Variants in EPB41L4A observed in about 807,000 individuals in gnomAD.
EPB41L4A encodes erythrocyte membrane protein band 4.1 like 4A.
In EPB41L4A, 100 loss-of-function variants were observed where a neutral mutation model predicts 108.6. The ratio of observed to expected loss-of-function variants is 0.92; its 90% CI spans 0.78 to 1.09. The LOEUF (loss-of-function observed/expected upper bound fraction) is 1.09, where lower values mean the gene tolerates loss of function less well. EPB41L4A is among the 50% of genes least tolerant of loss of function. The probability of loss-of-function intolerance (pLI) is 0.00; values close to 1 mark genes in which losing one functional copy is unlikely to be tolerated. For synonymous variants in EPB41L4A, 319 were observed against 289.0 expected (o/e 1.10, Z -1.05); for missense variants, 1,030 against 842.7 (o/e 1.22, Z -2.75).
At chr5:112,304,604 T>C (rs1292329155) in intron 2 of EPB41L4A, among the ~76,000 whole-genome samples, 1 of 152,094 alleles carries the variant, frequency 6.6e-6, no homozygotes, top group African/African-American at 2.4e-5. Flanking sequence ...ATCTCAAAGG[T>C]ATTTAAGAAT....
At chr5:112,182,002 G>A (rs1054050144) in intron 18 of EPB41L4A, among the ~76,000 whole-genome samples, 1 of 152,040 alleles carries the variant, frequency 6.6e-6, no homozygotes, top group Admixed American at 6.5e-5. Context: ...GAACCCGGGA[G>A]GCAGAGGTTG....
intron 1 of EPB41L4A, among the ~76,000 whole-genome samples, chr5:112,413,790 G>A (rs954339939): frequency 7.9e-5 from 12 of 152,178 alleles, no homozygotes; most frequent in African/African-American, 2.9e-4. Flanking sequence ...AAACAATCTG[G>A]AATATTTGGG....
intron 1 of EPB41L4A, among the ~76,000 whole-genome samples, chr5:112,358,267 T>A (rs1288926336): frequency 6.6e-6 from 1 of 152,224 alleles, no homozygotes; most frequent in Non-Finnish European, 1.5e-5. Flanking sequence ...ATATTACACA[T>A]ACACACATGA....
chr5:112,419,169 G>C lies in EPB41L4A; in HGVS notation c.-130C>G. 1 of 655,902 alleles carries C rather than the reference G, an allele frequency of 1.5e-6. No homozygotes were observed. The highest frequency in any genetic ancestry group is 2.9e-5 in the Admixed American group (1 of 34,188). The allele number at this position is 655,902 out of a possible 1,614,324, so 40.6% of individuals were successfully genotyped here. On this transcript the variant is annotated 5_prime_UTR_variant, in exon 1 of 23. Coordinates refer to ENST00000261486, the MANE Select transcript of EPB41L4A (RefSeq NM_022140.5). ...GAGGGTGAGACGAGCAGCTCCCGGC[G>C]GGGTCCGGGGACCGGCCGCCGAACC...
rs564205758 is a variant in EPB41L4A, at chr5:112,331,323, T to C, written c.100-23833A>G. ...CCCGTCCTCTCCTACAACTACCCAG[T>C]TCTGCTGGTTTTACATATAAACAAA... On this transcript the variant is annotated intron_variant, in intron 1 of 22. Coordinates refer to ENST00000261486, the MANE Select transcript of EPB41L4A (RefSeq NM_022140.5). Among the ~76,000 whole-genome samples the C allele has an allele frequency of 4.1e-4, 62 of 152,332 alleles. 1 individual carries two copies. Among genetic ancestry groups the C allele is most frequent in the African/African-American group, 1.4e-3 (57 of 41,564 alleles).
chr5:112,224,570 G>A (rs775007217), intron 12 of EPB41L4A, among the ~76,000 whole-genome samples: 1 of 152,160 alleles, frequency 6.6e-6, no homozygotes, highest in African/African-American at 2.4e-5. Context: ...TGAGAATGCT[G>A]AATGACAAGT....
rs369843577 is a variant in EPB41L4A at position 112,259,247 on chromosome 5, G to C, written c.777C>G (p.Leu259=). ...KVHFKETQFE[L]RVLGKDCNET... Reference sequence around the variant, plus strand: ...AACTTACATCTTTTCCCAGTACTCTGAGTTCAAATTGAGTCTCCTTGAAGT... The same window carrying C: ...AACTTACATCTTTTCCCAGTACTCTCAGTTCAAATTGAGTCTCCTTGAAGT... Residue 259 remains leucine (L), a synonymous_variant, in exon 9 of 23, where the codon CTC becomes CTG. Transcript: ENST00000261486. The C allele has an allele frequency of 5.6e-6, 9 of 1,613,624 alleles. No homozygotes were observed. The highest frequency in any genetic ancestry group is 4.0e-5 in the African/African-American group (3 of 74,906).
At chr5:112,198,242 A>G (rs1762057155) in intron 15 of EPB41L4A, among the ~76,000 whole-genome samples, 1 of 152,104 alleles carries the variant, frequency 6.6e-6, no homozygotes, top group African/African-American at 2.4e-5. Context: ...CATGTTGGGT[A>G]GGCTAGTCTT....
intron 17 of EPB41L4A, among the ~76,000 whole-genome samples, chr5:112,186,992 C>G (rs555975532): frequency 2.1e-4 from 32 of 152,290 alleles, no homozygotes; most frequent in African/African-American, 6.7e-4. Flanking sequence ...CATTTATTCT[C>G]AGGTATGGGG....
At chr5:112,228,608 C>T (rs1410959128) in intron 12 of EPB41L4A, 2 of 689,484 alleles carry the variant, frequency 2.9e-6, no homozygotes, top group African/African-American at 1.9e-5. Context: ...TGGCTTCACC[C>T]ATTACTTTTC....
chr5:112,363,888 C>T (rs1758946164), intron 1 of EPB41L4A, among the ~76,000 whole-genome samples: 1 of 152,176 alleles, frequency 6.6e-6, no homozygotes, highest in East Asian at 1.9e-4. Flanking sequence ...GCCATATTTT[C>T]ATGTAAGTTT....
downstream of EPB41L4A, chr5:112,160,865 C>T (rs35445142): frequency 7.9e-3 from 1,228 of 156,370 alleles, 17 homozygotes; most frequent in African/African-American, 0.028. Flanking sequence ...GAAGCCTGTC[C>T]TTTCTTCCTT....
At chr5:112,348,965 G>C (rs749285567) in intron 1 of EPB41L4A, among the ~76,000 whole-genome samples, 57 of 152,336 alleles carry the variant, frequency 3.7e-4, no homozygotes, top group Non-Finnish European at 7.2e-4. Flanking sequence ...ACAATGTACA[G>C]AGAATTCTGG....
At chr5:112,389,412 AC>A (rs944212731) in intron 1 of EPB41L4A, among the ~76,000 whole-genome samples, 1 of 152,220 alleles carries the variant, frequency 6.6e-6, no homozygotes, top group African/African-American at 2.4e-5. Flanking sequence ...AGGTCACCAA[AC>A]AAAACAGAGT....
rs1018115447 is a variant in EPB41L4A at position 112,398,747 on chromosome 5, G to T, written c.99+20194C>A. ...GTCCTCCCAGCCTGTCTTTGCTATA[G>T]ACTCAGGTATCAGATCAGCTAGCCC... On this transcript the variant is annotated intron_variant, in intron 1 of 22. Coordinates refer to ENST00000261486, the MANE Select transcript of EPB41L4A (RefSeq NM_022140.5). 5.9e-5 allele frequency among the ~76,000 whole-genome samples: 9 copies of T among 152,092 alleles called. No individual in the cohort carries two copies. In the South Asian group the frequency reaches 1.9e-3, roughly 32 times the overall value.
At chr5:112,233,335 G>T (rs1471006328) in intron 12 of EPB41L4A, among the ~76,000 whole-genome samples, 1 of 152,236 alleles carries the variant, frequency 6.6e-6, no homozygotes, top group African/African-American at 2.4e-5. Context: ...GGAGGAAATG[G>T]TGAGAACACT....
chr5:112,222,171 T>C (rs554150593), intron 12 of EPB41L4A, among the ~76,000 whole-genome samples: 215 of 152,350 alleles, frequency 1.4e-3, no homozygotes, highest in African/African-American at 4.9e-3. Context: ...GCAGAATGTA[T>C]GGTCTTCTCA....
chr5:112,243,524 TTATA>T (rs1259566944), intron 9 of EPB41L4A, among the ~76,000 whole-genome samples: 1 of 152,154 alleles, frequency 6.6e-6, no homozygotes, highest in Non-Finnish European at 1.5e-5. Context: ...TGACTTCTCG[TTATA>T]GCTATGAAAG....
At chr5:112,339,528 C>CTATCTA (rs1757163619) in intron 1 of EPB41L4A, among the ~76,000 whole-genome samples, 1 of 25,456 alleles carries the variant, frequency 3.9e-5, no homozygotes, top group African/African-American at 8.2e-5. Flanking sequence ...AGATATATAT[C>CTATCTA]TATATATATA....
Sources: gnomAD v4.1 joint callset for allele counts (sites outside exome capture counted in the v4.1 genomes callset) on GRCh38, gnomAD v4.1.1 for gene constraint, MANE v1.5 for transcripts, NCBI Gene and HGNC (gene_info 2026-07-23, HGNC 2026-07-21) for gene names.